The following PURG variants were observed in gnomAD, a reference collection of about 807,000 sequenced individuals.
PURG encodes the protein purine rich element binding protein G.
PURG carries 3 observed loss-of-function variants against 24.3 expected under a neutral mutation model. The ratio of observed to expected loss-of-function variants is 0.12; its 90% CI spans 0.06 to 0.32. The LOEUF (loss-of-function observed/expected upper bound fraction) is 0.32. Ranked by LOEUF, PURG falls within the 10% of genes least tolerant of loss-of-function variation. PURG has a pLI of 1.00. For missense variants in PURG, 371 were observed against 439.1 expected (o/e 0.84, Z 1.39); for synonymous variants, 180 against 173.1 (o/e 1.04, Z -0.31).
At chr8:31,006,096 C>T (rs893473008) in intron 1 of PURG, among the ~76,000 whole-genome samples, 4 of 152,138 alleles carry the variant, frequency 2.6e-5, no homozygotes, top group Non-Finnish European at 1.5e-5. Flanking sequence ...ATATAAGGGG[C>T]CACTCGTTCA....
At chr8:31,033,028 C>G (rs1377770818) in intron 1 of PURG, 50 bp downstream of exon 1, 1 of 184,550 alleles carries the variant, frequency 5.4e-6, no homozygotes, top group East Asian at 1.3e-4. Flanking sequence ...ACGCCGCCGC[C>G]GCCCGTCCCG....
In PURG at chr8:31,005,180, C is replaced by A. The variant is rs192070683; in HGVS notation, c.865-8483G>T. On this transcript the variant is annotated intron_variant, in intron 1 of 1. Transcript: ENST00000339382. ...AGGCATAGTGGCTTATGCCCATAATCCTAGCACTTTGGGAGGCTGAGATGG... is the reference window on the plus strand; with the variant it reads ...AGGCATAGTGGCTTATGCCCATAATACTAGCACTTTGGGAGGCTGAGATGG... 2.0e-3 allele frequency among the ~76,000 whole-genome samples: 305 copies of A among 152,232 alleles called. 1 individual carries two copies. Among genetic ancestry groups the A allele is most frequent in the Non-Finnish European group, 3.3e-3 (224 of 68,008 alleles).
chr8:31,004,804 C>T (rs1810610954), intron 1 of PURG, among the ~76,000 whole-genome samples: 1 of 152,170 alleles, frequency 6.6e-6, no homozygotes, highest in South Asian at 2.1e-4. Flanking sequence ...GATGCGAACT[C>T]AGGTTCTGTT....
rs146660060 is a variant in PURG at position 31,005,566 on chromosome 8, G to A, written c.865-8869C>T. 6.0e-3 allele frequency among the ~76,000 whole-genome samples: 914 copies of A among 152,136 alleles called. 6 individuals carry two copies. Among genetic ancestry groups the A allele is most frequent in the African/African-American group, 0.021 (868 of 41,526 alleles). ...GTGGTTGCTTTTGGAAGTCAGGGTC[G>A]GGGGAGTGTTGACTGAGGAGGGGTA... On this transcript the variant is annotated intron_variant, in intron 1 of 1. Coordinates refer to the PURG transcript ENST00000339382.
In PURG at chr8:31,033,070, G is replaced by A; in HGVS notation, c.-7+8C>T. On this transcript the variant is annotated splice_region_variant and intron_variant, in intron 1 of 1. Coordinates refer to ENST00000523392, the MANE Select transcript of PURG (RefSeq NM_001323311.2). ...GCGGCCCCAGGTCTCCAGCCGGCGG[G>A]CACTCACATCATCTCTGCCATCACC... The A allele has an allele frequency of 4.8e-6, 1 of 207,354 alleles. No individual in the cohort carries two copies. Among genetic ancestry groups the A allele is most frequent in the East Asian group, 9.2e-5 (1 of 10,838 alleles). 12.8% of individuals were successfully genotyped at this position (207,354 alleles called of 1,614,324 possible).
intron 1 of PURG, among the ~76,000 whole-genome samples, chr8:31,009,276 A>G (rs1179273450): frequency 6.6e-6 from 1 of 152,132 alleles, no homozygotes; most frequent in Non-Finnish European, 1.5e-5. Context: ...GAATACAAAA[A>G]TTAGCTGGGC....
intron 1 of PURG, among the ~76,000 whole-genome samples, chr8:30,998,541 C>G (rs1042082703): frequency 2.0e-4 from 30 of 151,666 alleles, no homozygotes; most frequent in African/African-American, 7.0e-4. Context: ...AATTAGCATT[C>G]TTTTGTAGTT....
chr8:31,027,176 TC>T (rs1165071197), downstream of PURG, among the ~76,000 whole-genome samples: 1 of 151,744 alleles, frequency 6.6e-6, no homozygotes, highest in Non-Finnish European at 1.5e-5. Context: ...GGATTTAAGA[TC>T]CTTTTCAGGC....
In PURG at chr8:31,032,902, CGGCTCCCCCGGCGCCGCAGCGCGG is replaced by C; in HGVS notation, c.-6-138_-6-115del. ...CCGCCCGCGACCCCCACGCCGGGCC[CGGCTCCCCCGGCGCCGCAGCGCGG>C]GGCTCCAGCCACTGCCGGCCGGTTG... On this transcript the variant is annotated intron_variant, in intron 1 of 1. Transcript: ENST00000523392. This position sits in a 1 kb window ranked among gnomAD's most constrained non-coding sequence, Gnocchi z 5.9. 1.3e-6 allele frequency: 1 copy of C among 771,904 alleles called. No homozygotes were observed. Among genetic ancestry groups the C allele is most frequent in the South Asian group, 6.2e-5 (1 of 16,004 alleles). 47.8% of individuals were successfully genotyped at this position (771,904 alleles called of 1,614,324 possible). A position where few individuals can be genotyped will look rare whatever the true frequency, so the allele number is the denominator to read the frequency against.
intron 1 of PURG, among the ~76,000 whole-genome samples, chr8:31,008,338 C>A (rs961540977): frequency 2.0e-5 from 3 of 152,228 alleles, no homozygotes; most frequent in Non-Finnish European, 4.4e-5. Flanking sequence ...TGCTCTGTTG[C>A]CCAGCCTGGA....
chr8:31,012,940 C>T (rs1417453690), intron 1 of PURG, among the ~76,000 whole-genome samples: 3 of 152,180 alleles, frequency 2.0e-5, no homozygotes, highest in African/African-American at 7.2e-5. Context: ...GTAGCATTCA[C>T]GTTCACTTTA....
In PURG at chr8:31,031,967, T is replaced by G; in HGVS notation, c.816A>C (p.Lys272Asn). The G allele has an allele frequency of 6.2e-7, 1 of 1,614,132 alleles. No individual in the cohort carries two copies. Among genetic ancestry groups the G allele is most frequent in the Non-Finnish European group, 8.5e-7 (1 of 1,180,012 alleles). Reference sequence around the variant, plus strand: ...TAGAGCCCACATCAAAGTAGAACCTTTTATTGTCCACTCTGAAAGAAGTCC... The same window carrying G: ...TAGAGCCCACATCAAAGTAGAACCTGTTATTGTCCACTCTGAAAGAAGTCC... ...PEGTSFRVDN[K>N]RFYFDVGSNK... The change falls in exon 2 of 2, where the codon AAA becomes AAC. Residue 272 changes from lysine to asparagine, a missense_variant. Around this residue, in one of 5 missense-constraint regions of PURG, gnomAD observed 103 missense variants for 127.7 expected, o/e 0.81. Coordinates refer to ENST00000523392, the MANE Select transcript of PURG (RefSeq NM_001323311.2).
Position 31,008,427 on chromosome 8 carries a change from C to T in PURG, c.865-11730G>A, listed in dbSNP as rs141930128. Among the ~76,000 whole-genome samples, 263 of 152,260 alleles carry T rather than the reference C, an allele frequency of 1.7e-3. 2 individuals carry two copies. The highest frequency in any genetic ancestry group is 5.8e-3 in the African/African-American group (241 of 41,542). The stretch of plus-strand genomic sequence containing the variant: ...CAAGCGATTCTCCTGACTCAGCCTC[C>T]CGAGTAGCTGGGATTACAGCTGCGT... On this transcript the variant is annotated intron_variant, in intron 1 of 1. Transcript: ENST00000339382.
chr8:31,016,581 C>CAAAAAAAAAAAA (rs11433207), intron 1 of PURG, among the ~76,000 whole-genome samples: 3,287 of 57,188 alleles, frequency 0.057, 289 homozygotes, highest in East Asian at 0.071. Flanking sequence ...TACCAAGAAC[C>CAAAAAAAAAAAA]AAAAAAAAAA....
chr8:31,001,624 A>G (rs1040065723), intron 1 of PURG, among the ~76,000 whole-genome samples: 19 of 152,210 alleles, frequency 1.2e-4, no homozygotes, highest in African/African-American at 4.6e-4. Context: ...TACCACAGGC[A>G]AAATAAATAT....
chr8:31,031,468 C>T lies in PURG; in HGVS notation c.*271G>A, dbSNP rs1375855837. On this transcript the variant is annotated 3_prime_UTR_variant, in exon 2 of 2. Transcript: ENST00000523392. ...TATGGTATTTAGAATGTCAGAATGTCACATTTTGTGCTGATTTGCATACTT... is the reference window on the plus strand; with the variant it reads ...TATGGTATTTAGAATGTCAGAATGTTACATTTTGTGCTGATTTGCATACTT... The T allele has an allele frequency of 2.6e-6, 1 of 392,106 alleles. No homozygotes were observed. Among genetic ancestry groups the T allele is most frequent in the Non-Finnish European group, 4.6e-6 (1 of 219,426 alleles). 24.3% of individuals were successfully genotyped at this position (392,106 alleles called of 1,614,324 possible). A position where few individuals can be genotyped will look rare whatever the true frequency, so the allele number is the denominator to read the frequency against.
At chr8:31,010,899 T>G (rs1001307754) in intron 1 of PURG, among the ~76,000 whole-genome samples, 4 of 152,228 alleles carry the variant, frequency 2.6e-5, no homozygotes, top group Non-Finnish European at 4.4e-5. Context: ...TCATAATTAA[T>G]GACCAGTTAT....
chr8:31,025,230 T>A (rs1278835421), intron 1 of PURG, among the ~76,000 whole-genome samples: 1 of 151,934 alleles, frequency 6.6e-6, no homozygotes, highest in Non-Finnish European at 1.5e-5. Context: ...GCTCTTCAAT[T>A]AAGGATGGGA....
chr8:30,996,364 G>C, exon 2 of PURG: 3 of 340,016 alleles, frequency 8.8e-6, no homozygotes, highest in Non-Finnish European at 1.6e-5. Flanking sequence ...AAGGCTTGAT[G>C]AATTAAAAAA....
Sources: gnomAD v4.1 joint callset for allele counts (sites outside exome capture counted in the v4.1 genomes callset) on GRCh38, gnomAD v4.1.1 for gene constraint, gnomAD v4.1.1 regional missense constraint, Gnocchi (gnomAD v3.1) non-coding constraint, MANE v1.5 for transcripts, NCBI Gene and HGNC (gene_info 2026-07-23, HGNC 2026-07-21) for gene names.